DRC12: variants seen among roughly 807,000 people sequenced by gnomAD.
The protein encoded by DRC12 is dynein regulatory complex protein 12.
At chr11:119,191,610 G>A in the DRC12 span, among the ~76,000 whole-genome samples, 855 of 151,596 alleles carry the variant, frequency 5.6e-3, 9 homozygotes, top group South Asian at 0.016. Flanking sequence ...AGTCCGAAAC[G>A]AGCCCGGCCA....
chr11:119,190,882 C>G, the DRC12 span: 1 of 1,594,070 alleles, frequency 6.3e-7, no homozygotes. The surrounding 1 kb of genome is among the most constrained non-coding windows in gnomAD (Gnocchi z 4.2). Context: ...TGGTGACACT[C>G]TATCCTTGAC....
At chr11:119,193,441 C>A in the DRC12 span, 1 of 915,432 alleles carries the variant, frequency 1.1e-6, no homozygotes, top group Non-Finnish European at 1.6e-6. Context: ...CGACCTACCT[C>A]CCCCAGTCCA....
chr11:119,195,056 C>T, the DRC12 span: 1 of 1,375,682 alleles, frequency 7.3e-7, no homozygotes, highest in Non-Finnish European at 1.0e-6. Flanking sequence ...ACTCTGCTCA[C>T]ATCCTCACCC....
chr11:119,194,870 G>T, the DRC12 span: 2 of 1,337,488 alleles, frequency 1.5e-6, no homozygotes, highest in Non-Finnish European at 2.1e-6. Flanking sequence ...ATACAGAAAT[G>T]CCCCATTTCA....
the DRC12 span, chr11:119,195,368 G>A: frequency 6.9e-7 from 1 of 1,458,682 alleles, no homozygotes; most frequent in Admixed American, 2.0e-5. Context: ...AGCTCTGCGT[G>A]GTCTTCATGG....
chr11:119,194,843 C>A, the DRC12 span: 1 of 1,091,768 alleles, frequency 9.2e-7, no homozygotes, highest in African/African-American at 1.6e-5. Flanking sequence ...ATACCTCCAA[C>A]TCTCCAATCC....
chr11:119,190,615 A>C, the DRC12 span: 2 of 1,561,414 alleles, frequency 1.3e-6, no homozygotes, highest in Non-Finnish European at 1.7e-6. The surrounding 1 kb of genome is among the most constrained non-coding windows in gnomAD (Gnocchi z 4.2). Flanking sequence ...CCTTCTCCTT[A>C]ACCCTGGGTT....
At chr11:119,192,733 G>A in the DRC12 span, among the ~76,000 whole-genome samples, 1 of 152,030 alleles carries the variant, frequency 6.6e-6, no homozygotes, top group Non-Finnish European at 1.5e-5. Context: ...TGCAACCTCT[G>A]CCTCCTGGGT....
At chr11:119,193,942 C>T in the DRC12 span, 894 of 1,512,996 alleles carry the variant, frequency 5.9e-4, 9 homozygotes, top group Admixed American at 0.017. Flanking sequence ...AAATCAGCCC[C>T]CATGAACGTG....
At chr11:119,193,126 G>A in the DRC12 span, 2 of 1,595,922 alleles carry the variant, frequency 1.3e-6, no homozygotes, top group Non-Finnish European at 1.7e-6. Flanking sequence ...TGGAGAGAAG[G>A]GGCTTGGAGG....
the DRC12 span, chr11:119,193,078 G>C: frequency 7.6e-7 from 1 of 1,309,698 alleles, no homozygotes; most frequent in South Asian, 1.2e-5. Flanking sequence ...CAGAGACTTT[G>C]AAGTCTACCC....
the DRC12 span, chr11:119,190,283 T>A: frequency 6.2e-7 from 1 of 1,614,114 alleles, no homozygotes; most frequent in Non-Finnish European, 8.5e-7. This position sits in a 1 kb window ranked among gnomAD's most constrained non-coding sequence, Gnocchi z 4.2. Context: ...ACTTTATTGC[T>A]GGGGCCTCAG....
chr11:119,194,778 T>A, the DRC12 span: 1 of 442,058 alleles, frequency 2.3e-6, no homozygotes, highest in Non-Finnish European at 4.1e-6. Flanking sequence ...CTGCCCACCC[T>A]CTCTCATCAT....
chr11:119,193,162 C>G, the DRC12 span: 20 of 1,614,058 alleles, frequency 1.2e-5, no homozygotes, highest in Non-Finnish European at 1.7e-5. Context: ...TAGCTGCCCC[C>G]GAAGGCCTTT....
chr11:119,192,254 G>C, the DRC12 span, among the ~76,000 whole-genome samples: 3 of 152,138 alleles, frequency 2.0e-5, no homozygotes, highest in Non-Finnish European at 2.9e-5. Context: ...GGGATTACAG[G>C]GGTGAGCCAC....
the DRC12 span, among the ~76,000 whole-genome samples, chr11:119,191,224 C>T: frequency 4.6e-5 from 7 of 151,762 alleles, no homozygotes; most frequent in South Asian, 2.1e-4. Flanking sequence ...CTCAGCCTCC[C>T]GAGTAGCTGG....
the DRC12 span, chr11:119,190,612 C>G: frequency 6.4e-7 from 1 of 1,562,520 alleles, no homozygotes; most frequent in Non-Finnish European, 8.7e-7. This position sits in a 1 kb window ranked among gnomAD's most constrained non-coding sequence, Gnocchi z 4.2. Context: ...GCTCCTTCTC[C>G]TTAACCCTGG....
chr11:119,195,241 G>A, the DRC12 span: 2 of 648,280 alleles, frequency 3.1e-6, no homozygotes, highest in Middle Eastern at 4.2e-4. Flanking sequence ...TTAAAGGAGA[G>A]CGTGGGTGAC....
the DRC12 span, among the ~76,000 whole-genome samples, chr11:119,191,198 C>T: frequency 1.3e-5 from 2 of 151,650 alleles, no homozygotes; most frequent in Non-Finnish European, 2.9e-5. Context: ...CTCCTGGGTT[C>T]AAGCAATTCT....
Sources: gnomAD v4.1 joint callset for allele counts (sites outside exome capture counted in the v4.1 genomes callset) on GRCh38, gnomAD v4.1.1 for gene constraint, Gnocchi (gnomAD v3.1) non-coding constraint, MANE v1.5 for transcripts, NCBI Gene and HGNC (gene_info 2026-07-23, HGNC 2026-07-21) for gene names.